PUDP: variants seen among roughly 807,000 people sequenced by gnomAD.
PUDP encodes pseudouridine 5'-phosphatase.
PUDP carries 8 observed loss-of-function variants against 9.4 expected under a neutral mutation model. The ratio of observed to expected loss-of-function variants is 0.85; its 90% CI spans 0.50 to 1.53. The LOEUF is 1.53. PUDP is among the 40% of genes most tolerant of loss of function. The probability of loss-of-function intolerance (pLI) is 0.00; values close to 1 mark genes in which losing one functional copy is unlikely to be tolerated. For missense variants in PUDP, 188 were observed against 189.7 expected (o/e 0.99, Z 0.05); for synonymous variants, 99 against 80.7 (o/e 1.23, Z -1.22).
At chrX:7,147,624 T>C (rs769440716) in intron 1 of PUDP, among the ~76,000 whole-genome samples, 4 of 112,201 alleles carry the variant, frequency 3.6e-5, no homozygotes, top group African/African-American at 1.3e-4. Flanking sequence ...CCAGGCTACT[T>C]TGCAGACGGG....
chrX:6,713,904 A>G (rs1044134553), intron 1 of PUDP, among the ~76,000 whole-genome samples: 1 of 110,796 alleles, frequency 9.0e-6, no homozygotes, highest in Admixed American at 9.7e-5. Flanking sequence ...TATTATTATT[A>G]TTATTACTAC....
chrX:7,000,440 C>T (rs1203581866), intron 1 of PUDP, among the ~76,000 whole-genome samples: 2 of 110,779 alleles, frequency 1.8e-5, no homozygotes, highest in Non-Finnish European at 3.8e-5. Flanking sequence ...TAATACCAAA[C>T]CAATGTAACT....
intron 2 of PUDP, among the ~76,000 whole-genome samples, chrX:7,091,945 A>C (rs1283132616): frequency 1.8e-5 from 2 of 112,658 alleles, no homozygotes; most frequent in African/African-American, 6.5e-5. Context: ...CTGATTTTCT[A>C]CTATAGCTCT....
At chrX:6,726,543 A>G (rs2046092547), upstream of PUDP, among the ~76,000 whole-genome samples, 1 of 112,217 alleles carries the variant, frequency 8.9e-6, no homozygotes, top group African/African-American at 3.2e-5. Context: ...TCTGCACCCT[A>G]TAAATATGTA....
intron 1 of PUDP, among the ~76,000 whole-genome samples, chrX:7,125,832 C>T (rs912972353): frequency 5.4e-5 from 6 of 110,657 alleles, no homozygotes; most frequent in Admixed American, 9.6e-5. Flanking sequence ...TTCACTATCA[C>T]GAGAACAGCA....
At chrX:7,145,119 C>T (rs1465485758) in intron 1 of PUDP, among the ~76,000 whole-genome samples, 2 of 112,084 alleles carry the variant, frequency 1.8e-5, no homozygotes, top group African/African-American at 6.5e-5. Flanking sequence ...ATGTATAAAA[C>T]ACACACAGAT....
chrX:6,775,081 T>C (rs770795276), intron 3 of PUDP, among the ~76,000 whole-genome samples: 11 of 112,233 alleles, frequency 9.8e-5, no homozygotes, highest in Non-Finnish European at 1.9e-4. Flanking sequence ...GGAAACCCAG[T>C]GCCTGTTAGC....
chrX:7,111,772 T>C (rs1159499692), intron 1 of PUDP, among the ~76,000 whole-genome samples: 1 of 111,895 alleles, frequency 8.9e-6, no homozygotes, highest in Non-Finnish European at 1.9e-5. Flanking sequence ...TTCTAGGCGG[T>C]TGCGTCCATG....
chrX:6,884,195 G>C (rs1457132149), intron 3 of PUDP, among the ~76,000 whole-genome samples: 1 of 111,598 alleles, frequency 9.0e-6, no homozygotes, highest in Non-Finnish European at 1.9e-5. Flanking sequence ...TATTGTGAGG[G>C]CTTCTGTTGA....
intron 1 of PUDP, among the ~76,000 whole-genome samples, chrX:7,130,513 G>C (rs1932591604): frequency 9.0e-6 from 1 of 111,172 alleles, no homozygotes; most frequent in Admixed American, 9.6e-5. Context: ...TTAGAAATAA[G>C]TTTAAAATGG....
At chrX:7,147,027 G>C (rs1247911192) in intron 1 of PUDP, among the ~76,000 whole-genome samples, 1 of 110,458 alleles carries the variant, frequency 9.1e-6, no homozygotes, top group African/African-American at 3.3e-5. Context: ...CAAGGCTTTC[G>C]GTAGAGCTCA....
chrX:6,934,545 C>A (rs1192690838), intron 3 of PUDP, among the ~76,000 whole-genome samples: 2 of 110,148 alleles, frequency 1.8e-5, no homozygotes, highest in African/African-American at 6.6e-5. Context: ...AATGTAAAGA[C>A]CATCGAGACT....
At chrX:7,130,306 G>T (rs776432338) in intron 1 of PUDP, among the ~76,000 whole-genome samples, 1 of 110,009 alleles carries the variant, frequency 9.1e-6, no homozygotes, top group Non-Finnish European at 1.9e-5. Flanking sequence ...GGGGGAATTC[G>T]GAGGCTGATT....
At chrX:6,800,021 G>C (rs1925906921) in intron 3 of PUDP, among the ~76,000 whole-genome samples, 1 of 111,422 alleles carries the variant, frequency 9.0e-6, no homozygotes, top group Non-Finnish European at 1.9e-5. Context: ...CGGAAGACTA[G>C]GTTTTCTTCA....
chrX:6,959,083 A>G (rs1440347272), intron 3 of PUDP, among the ~76,000 whole-genome samples: 1 of 112,192 alleles, frequency 8.9e-6, no homozygotes, highest in African/African-American at 3.2e-5. Flanking sequence ...GGAGGTCAAG[A>G]ATGAAAGAGC....
chrX:6,861,030 T>C (rs1276443691), intron 3 of PUDP, among the ~76,000 whole-genome samples: 1 of 112,478 alleles, frequency 8.9e-6, no homozygotes, highest in African/African-American at 3.2e-5. Flanking sequence ...GGAAGAAATA[T>C]AGCTGTGATG....
chrX:6,752,980 G>A (rs1602607427), intron 3 of PUDP, among the ~76,000 whole-genome samples: 1 of 111,183 alleles, frequency 9.0e-6, no homozygotes, highest in African/African-American at 3.3e-5. Flanking sequence ...AACTGATATG[G>A]TTTGGCTGTG....
chrX:6,876,096 A>C (rs1478427088), intron 3 of PUDP, among the ~76,000 whole-genome samples: 3 of 112,369 alleles, frequency 2.7e-5, no homozygotes, highest in African/African-American at 9.7e-5. Context: ...TTGACTTTAT[A>C]ATGATGTGAA....
At chrX:6,951,518 T>C (rs771484157) in intron 3 of PUDP, among the ~76,000 whole-genome samples, 2 of 112,052 alleles carry the variant, frequency 1.8e-5, no homozygotes, top group South Asian at 3.8e-4. Context: ...GAATGGGAAC[T>C]GGAGCTTCTA....
Sources: gnomAD v4.1 joint callset for allele counts (sites outside exome capture counted in the v4.1 genomes callset) on GRCh38, gnomAD v4.1.1 for gene constraint, MANE v1.5 for transcripts, NCBI Gene and HGNC (gene_info 2026-07-23, HGNC 2026-07-21) for gene names.